The following PDE8A variants were observed in gnomAD, a reference collection of about 807,000 sequenced individuals.
PDE8A encodes the protein phosphodiesterase 8A, also known as high affinity cAMP-specific and IBMX-insensitive 3',5'-cyclic phosphodiesterase 8A.
A neutral mutation model predicts 105.0 loss-of-function variants in PDE8A; 59 were observed. The observed-to-expected ratio is 0.56, with a 90% CI of 0.46 to 0.70. The LOEUF (loss-of-function observed/expected upper bound fraction) is 0.70, where lower values mean the gene tolerates loss of function less well. Among genes scored for constraint, PDE8A ranks in the 30% least tolerant of loss-of-function variants. The pLI is 0.00. For synonymous variants in PDE8A, 355 were observed against 371.9 expected (o/e 0.95, Z 0.52); for missense variants, 1,014 against 1,045.9 (o/e 0.97, Z 0.42).
intron 1 of PDE8A, among the ~76,000 whole-genome samples, chr15:85,051,649 G>A (rs1596473506): frequency 6.6e-6 from 1 of 152,126 alleles, no homozygotes; most frequent in South Asian, 2.1e-4. Context: ...GCCTCAGTGT[G>A]TGTTGTTCCC....
At chr15:85,123,776 A>C (rs2082218845) in intron 19 of PDE8A, among the ~76,000 whole-genome samples, 1 of 152,220 alleles carries the variant, frequency 6.6e-6, no homozygotes. Context: ...CAGTGGGCTC[A>C]CTGAATTTAG....
chr15:84,981,377 C>G (rs931282646), upstream of PDE8A, among the ~76,000 whole-genome samples: 2 of 151,940 alleles, frequency 1.3e-5, no homozygotes, highest in South Asian at 2.1e-4. Flanking sequence ...AAACCCGGCC[C>G]GGATCACGGA....
At chr15:85,030,494 A>T (rs894573411) in intron 1 of PDE8A, among the ~76,000 whole-genome samples, 3 of 152,016 alleles carry the variant, frequency 2.0e-5, no homozygotes, top group Non-Finnish European at 2.9e-5. Flanking sequence ...TGGTGTCTGG[A>T]ATTAGTTTTA....
At chr15:85,088,705 A>G (rs2141523084) in intron 6 of PDE8A, among the ~76,000 whole-genome samples, 1 of 152,196 alleles carries the variant, frequency 6.6e-6, no homozygotes, top group South Asian at 2.1e-4. Flanking sequence ...TTATTATTCA[A>G]GTGGGTGTGA....
At chr15:85,071,956 G>A (rs16974785) in intron 3 of PDE8A, among the ~76,000 whole-genome samples, 12,328 of 152,188 alleles carry the variant, frequency 0.081, 1,349 homozygotes, top group African/African-American at 0.25. Flanking sequence ...ATTTCTTGGT[G>A]CAACAGGAGT....
In PDE8A at chr15:85,035,033, C is replaced by T. The variant is rs368055314; in HGVS notation, c.187-29337C>T. Among the ~76,000 whole-genome samples, 3 of 152,016 alleles carry T rather than the reference C, an allele frequency of 2.0e-5. No homozygotes were observed. The East Asian group carries it at 5.8e-4, about 29-fold the overall frequency. ...GGGTAACAGAAACAATGGACAGATACCTGACATACCAATAAATATAAATGG... is the reference window on the plus strand; with the variant it reads ...GGGTAACAGAAACAATGGACAGATATCTGACATACCAATAAATATAAATGG... On this transcript the variant is annotated intron_variant, in intron 1 of 21. Coordinates refer to ENST00000394553, the MANE Select transcript of PDE8A (RefSeq NM_002605.3).
At chr15:85,049,996 T>C (rs190895878) in intron 1 of PDE8A, among the ~76,000 whole-genome samples, 5 of 152,278 alleles carry the variant, frequency 3.3e-5, no homozygotes, top group Non-Finnish European at 5.9e-5. Context: ...TCAGCACTTG[T>C]TATTTTCTGG....
intron 1 of PDE8A, among the ~76,000 whole-genome samples, chr15:85,014,146 C>CT (rs869040730): frequency 4.4e-5 from 6 of 135,806 alleles, no homozygotes; most frequent in East Asian, 4.0e-4. Flanking sequence ...TTTTCTTTTT[C>CT]TTTTTTTTTA....
At chr15:85,005,215 A>G (rs569177719) in intron 1 of PDE8A, among the ~76,000 whole-genome samples, 2 of 152,194 alleles carry the variant, frequency 1.3e-5, no homozygotes, top group African/African-American at 2.4e-5. Context: ...CCTGGGCTCA[A>G]ATGATCCTCT....
At chr15:85,038,216 GGTGT>G (rs773765859) in intron 1 of PDE8A, among the ~76,000 whole-genome samples, 623 of 48,286 alleles carry the variant, frequency 0.013, 4 homozygotes, top group Middle Eastern at 0.057. Context: ...CCAATTGGGG[GGTGT>G]GTGTGTGTGT....
chr15:85,008,476 A>G (rs1403479696), intron 1 of PDE8A, among the ~76,000 whole-genome samples: 1 of 151,618 alleles, frequency 6.6e-6, no homozygotes, highest in African/African-American at 2.4e-5. Flanking sequence ...GTTCAGTTGG[A>G]GAAAGTTGAA....
At chr15:85,048,838 C>T (rs147962411) in intron 1 of PDE8A, among the ~76,000 whole-genome samples, 2,478 of 152,280 alleles carry the variant, frequency 0.016, 35 homozygotes, top group Middle Eastern at 0.037. Context: ...CGGTGGCTCA[C>T]GCCTATAATT....
chr15:85,127,924 G>A (rs1329289233), intron 20 of PDE8A, among the ~76,000 whole-genome samples: 2 of 151,888 alleles, frequency 1.3e-5, no homozygotes, highest in African/African-American at 4.8e-5. Context: ...GTGTGGTGCT[G>A]GCATAAAGAT....
intron 8 of PDE8A, among the ~76,000 whole-genome samples, chr15:85,093,093 C>T (rs549068123): frequency 1.1e-4 from 17 of 152,210 alleles, no homozygotes; most frequent in South Asian, 2.1e-4. Flanking sequence ...TTTGTAGAGA[C>T]GGGTTCTCTG....
chr15:85,029,278 A>G (rs1206303738), intron 1 of PDE8A, among the ~76,000 whole-genome samples: 1 of 152,102 alleles, frequency 6.6e-6, no homozygotes, highest in East Asian at 1.9e-4. Context: ...GACCCAACTT[A>G]TTGTTAAAAT....
At chr15:85,134,295 G>C (rs1452223046) in intron 20 of PDE8A, among the ~76,000 whole-genome samples, 1 of 152,228 alleles carries the variant, frequency 6.6e-6, no homozygotes, top group Non-Finnish European at 1.5e-5. Flanking sequence ...GCTGCCCAGA[G>C]AGAGCTGGCT....
intron 9 of PDE8A, 179 bp from the exon 10 acceptor site, chr15:85,099,836 A>C (rs2081828119): frequency 5.0e-6 from 3 of 602,254 alleles, no homozygotes; most frequent in Non-Finnish European, 8.8e-6. Context: ...AGAGACGCCA[A>C]AGGATGTTTG....
chr15:84,998,332 T>C (rs1199230445), intron 1 of PDE8A, among the ~76,000 whole-genome samples: 1 of 152,208 alleles, frequency 6.6e-6, no homozygotes, highest in Non-Finnish European at 1.5e-5. Context: ...GTTACTTCAC[T>C]CCCTTTGGTC....
chr15:85,047,226 T>G (rs184285946), intron 1 of PDE8A, among the ~76,000 whole-genome samples: 34 of 152,296 alleles, frequency 2.2e-4, no homozygotes, highest in African/African-American at 6.3e-4. Flanking sequence ...CCTGAAACCT[T>G]AGGTCAGTTT....
Sources: gnomAD v4.1 joint callset for allele counts (sites outside exome capture counted in the v4.1 genomes callset) on GRCh38, gnomAD v4.1.1 for gene constraint, MANE v1.5 for transcripts, NCBI Gene and HGNC (gene_info 2026-07-23, HGNC 2026-07-21) for gene names.